Variants in NRXN1 observed in about 807,000 individuals in gnomAD.
NRXN1 encodes the protein neurexin 1.
A neutral mutation model predicts 150.9 loss-of-function variants in NRXN1; 39 were observed. That is an observed-to-expected ratio of 0.26 (90% confidence interval 0.20 to 0.34). The LOEUF (loss-of-function observed/expected upper bound fraction) is 0.34, where lower values mean the gene tolerates loss of function less well. Ranked by LOEUF, NRXN1 falls within the 10% of genes least tolerant of loss-of-function variation. The pLI, the probability that NRXN1 is intolerant of heterozygous loss-of-function variation, is 1.00. For missense variants in NRXN1, 1,815 were observed against 1,949.9 expected (o/e 0.93, Z 1.30); for synonymous variants, 924 against 757.0 (o/e 1.22, Z -3.62).
chr2:50,998,334 A>C (rs954895583), intron 2 of NRXN1, among the ~76,000 whole-genome samples: 2 of 107,798 alleles, frequency 1.9e-5, no homozygotes, highest in African/African-American at 1.2e-4. Context: ...TGTACTAAGT[A>C]GAATGTCACT....
intron 5 of NRXN1, among the ~76,000 whole-genome samples, chr2:50,779,292 T>C (rs2105502791): frequency 6.6e-6 from 1 of 152,290 alleles, no homozygotes; most frequent in South Asian, 2.1e-4. Flanking sequence ...GTTCATGTGT[T>C]AGTTTGCTGA....
chr2:49,921,925 T>C lies in NRXN1; in HGVS notation c.*19A>G. The stretch of plus-strand genomic sequence containing the variant: ...AATGAAGACTATTTCTATACAAGTG[T>C]CCATTTAAGATCTTGGGATCAGACA... On this transcript the variant is annotated 3_prime_UTR_variant, in exon 23 of 23. Coordinates refer to ENST00000401669, the MANE Select transcript of NRXN1 (RefSeq NM_001330078.2). 6.2e-7 allele frequency: 1 copy of C among 1,610,316 alleles called. No homozygotes were observed. Among genetic ancestry groups the C allele is most frequent in the Non-Finnish European group, 8.5e-7 (1 of 1,176,612 alleles).
intron 21 of NRXN1, among the ~76,000 whole-genome samples, chr2:50,032,471 A>T (rs80204026): frequency 0.044 from 6,647 of 152,212 alleles, 189 homozygotes; most frequent in Middle Eastern, 0.071. Context: ...CAGAAATTTC[A>T]CAAAGGAAAT....
chr2:50,651,981 G>T (rs1453854122), intron 5 of NRXN1, among the ~76,000 whole-genome samples: 1 of 152,134 alleles, frequency 6.6e-6, no homozygotes, highest in African/African-American at 2.4e-5. Flanking sequence ...GTGGCCACAG[G>T]GCACATACTG....
chr2:51,025,135 A>T (rs557371826), intron 2 of NRXN1, among the ~76,000 whole-genome samples: 42 of 152,256 alleles, frequency 2.8e-4, no homozygotes, highest in African/African-American at 9.1e-4. Flanking sequence ...TGATACTCAA[A>T]AGAATCCAAT....
In NRXN1 at chr2:50,921,928, A is replaced by G. The variant is rs187575101; in HGVS notation, c.821-48T>C. 18 of 1,146,702 alleles carry G rather than the reference A, an allele frequency of 1.6e-5. No individual in the cohort carries two copies. In the Admixed American group the frequency reaches 4.2e-4, roughly 27 times the overall value. The allele number at this position is 1,146,702 out of a possible 1,614,324, so 71.0% of individuals were successfully genotyped here. ...CCATGAAGAAAGGGTTTCCAGACAA[A>G]GAGGATAAAGAGGAGAAAAACAACA... On this transcript the variant is annotated intron_variant, in intron 4 of 22. Transcript: ENST00000401669.
chr2:50,364,724 T>C (rs1384008151), intron 17 of NRXN1, among the ~76,000 whole-genome samples: 1 of 152,062 alleles, frequency 6.6e-6, no homozygotes, highest in Non-Finnish European at 1.5e-5. Flanking sequence ...AGAGTAAAGG[T>C]GGGTCTTTTC....
chr2:50,181,634 T>C (rs1329975807), intron 18 of NRXN1, among the ~76,000 whole-genome samples: 1 of 152,136 alleles, frequency 6.6e-6, no homozygotes, highest in South Asian at 2.1e-4. Context: ...TAGGACTTTT[T>C]TTTAATCGTT....
At chr2:50,074,827 A>G (rs1696818225) in intron 19 of NRXN1, among the ~76,000 whole-genome samples, 1 of 152,198 alleles carries the variant, frequency 6.6e-6, no homozygotes, top group African/African-American at 2.4e-5. Context: ...ATCATCACAA[A>G]TTGTGAATAC....
chr2:50,807,971 A>G (rs1255028726), intron 5 of NRXN1, among the ~76,000 whole-genome samples: 1 of 152,138 alleles, frequency 6.6e-6, no homozygotes, highest in Non-Finnish European at 1.5e-5. Flanking sequence ...TTTAAATATA[A>G]TTCCCAATAA....
At chr2:50,247,704 G>T (rs1434033684) in intron 17 of NRXN1, among the ~76,000 whole-genome samples, 2 of 152,086 alleles carry the variant, frequency 1.3e-5, no homozygotes, top group Non-Finnish European at 2.9e-5. Flanking sequence ...CTAGATTAGA[G>T]AAAACTAAGA....
At chr2:50,746,428 G>T (rs1268088912) in intron 5 of NRXN1, among the ~76,000 whole-genome samples, 1 of 151,944 alleles carries the variant, frequency 6.6e-6, no homozygotes, top group African/African-American at 2.4e-5. Context: ...GCATAGTGGT[G>T]TCTGCCTGTG....
At chr2:50,705,227 T>C (rs1017764482) in intron 5 of NRXN1, among the ~76,000 whole-genome samples, 6 of 152,176 alleles carry the variant, frequency 3.9e-5, no homozygotes, top group Admixed American at 1.3e-4. Context: ...TTTACAAGTT[T>C]ATTTGAATCA....
intron 17 of NRXN1, among the ~76,000 whole-genome samples, chr2:50,380,293 T>TGC (rs67850875): frequency 2.1e-4 from 31 of 148,884 alleles, no homozygotes; most frequent in African/African-American, 6.0e-4. Context: ...TGTGTGTGTG[T>TGC]GTGCGTGTGT....
intron 5 of NRXN1, among the ~76,000 whole-genome samples, chr2:50,836,704 T>G (rs1672156373): frequency 6.6e-6 from 1 of 152,082 alleles, no homozygotes; most frequent in African/African-American, 2.4e-5. Context: ...CCACATTTTT[T>G]TAATCCATTT....
chr2:50,598,122 G>A (rs1376001805), intron 8 of NRXN1, among the ~76,000 whole-genome samples: 1 of 151,634 alleles, frequency 6.6e-6, no homozygotes, highest in East Asian at 1.9e-4. Flanking sequence ...TGGGCAACAG[G>A]GCAAAACTGC....
intron 18 of NRXN1, among the ~76,000 whole-genome samples, chr2:50,167,711 T>C (rs2059773324): frequency 6.6e-6 from 1 of 152,158 alleles, no homozygotes; most frequent in Non-Finnish European, 1.5e-5. Flanking sequence ...TACACTAGAG[T>C]TAACTAGGGA....
intron 2 of NRXN1, among the ~76,000 whole-genome samples, chr2:50,968,146 A>C (rs147923776): frequency 8.0e-4 from 121 of 152,166 alleles, no homozygotes; most frequent in African/African-American, 2.8e-3. Flanking sequence ...CTTTTCAGAA[A>C]GTTTGGTCCT....
chr2:50,773,929 A>G lies in NRXN1; in HGVS notation c.832+147940T>C, dbSNP rs113740881. On this transcript the variant is annotated intron_variant, in intron 5 of 22. Coordinates refer to ENST00000401669, the MANE Select transcript of NRXN1 (RefSeq NM_001330078.2). ...ACTGCAACAGAACACTGATGAGAAG[A>G]AACAGGCCCAGCGCCACTGGTCACT... Among the ~76,000 whole-genome samples the G allele has an allele frequency of 2.7e-3, 411 of 152,246 alleles. 6 individuals are homozygous for G. The highest frequency in any genetic ancestry group is 9.3e-3 in the African/African-American group (387 of 41,570).
Sources: gnomAD v4.1 joint callset for allele counts (sites outside exome capture counted in the v4.1 genomes callset) on GRCh38, gnomAD v4.1.1 for gene constraint, MANE v1.5 for transcripts, NCBI Gene and HGNC (gene_info 2026-07-23, HGNC 2026-07-21) for gene names.